DIAPH3: variants seen among roughly 807,000 people sequenced by gnomAD.
The protein encoded by DIAPH3 is diaphanous related formin 3.
DIAPH3 carries 117 observed loss-of-function variants against 144.3 expected under a neutral mutation model. The observed-to-expected ratio is 0.81, with a 90% confidence interval of 0.70 to 0.95. The LOEUF (loss-of-function observed/expected upper bound fraction) is 0.95. Among genes scored for constraint, DIAPH3 ranks in the 40% least tolerant of loss-of-function variants. DIAPH3 has a pLI of 0.00. For missense variants in DIAPH3, 1,421 were observed against 1,412.7 expected (o/e 1.01, Z -0.09); for synonymous variants, 519 against 488.9 (o/e 1.06, Z -0.81).
At chr13:60,010,711 G>C in intron 7 of DIAPH3, 42 bp from the exon 8 acceptor site, 1 of 1,587,076 alleles carries the variant, frequency 6.3e-7, no homozygotes, top group East Asian at 2.2e-5. Context: ...TTAGAAATTA[G>C]TTAGAAAAAT....
intron 17 of DIAPH3, among the ~76,000 whole-genome samples, chr13:59,957,102 T>C (rs2049453273): frequency 1.3e-5 from 2 of 152,192 alleles, no homozygotes; most frequent in South Asian, 4.1e-4. Flanking sequence ...TTTTGGACTG[T>C]GAACTTTTGA....
intron 7 of DIAPH3, among the ~76,000 whole-genome samples, chr13:60,012,471 T>C (rs1206463113): frequency 6.6e-6 from 1 of 152,230 alleles, no homozygotes; most frequent in Non-Finnish European, 1.5e-5. Context: ...GAAACTACAA[T>C]ATGCCTTGCT....
chr13:59,875,473 CA>C (rs568726447), intron 21 of DIAPH3, among the ~76,000 whole-genome samples: 128 of 151,538 alleles, frequency 8.4e-4, no homozygotes, highest in Non-Finnish European at 1.3e-3. Flanking sequence ...TTAAGAGGCC[CA>C]GAATACATAT....
At chr13:60,145,603 C>G (rs1034646260) in intron 1 of DIAPH3, among the ~76,000 whole-genome samples, 2 of 152,204 alleles carry the variant, frequency 1.3e-5, no homozygotes, top group Non-Finnish European at 2.9e-5. Flanking sequence ...GAGCTGAGAT[C>G]GTGCCACTGC....
chr13:59,839,443 C>A lies in DIAPH3; in HGVS notation c.2743G>T (p.Val915Leu), dbSNP rs1410531660. Reference sequence around the variant, plus strand: ...CTCAAATTCTTTTCCAGCGTTTCTACAGAGACTAAAAGAGAGTATATTAAA... The same window carrying A: ...CTCAAATTCTTTTCCAGCGTTTCTAAAGAGACTAAAAGAGAGTATATTAAA... ...EPLDKASKVSVETLEKNLRQM... is the reference protein window; with the variant it reads ...EPLDKASKVSLETLEKNLRQM... The change falls in exon 23 of 28, where the codon GTA becomes TTA. Residue 915 changes from valine to leucine, a missense_variant. By Grantham distance (32) the Val-to-Leu change is conservative (BLOSUM62 1). Coordinates refer to ENST00000400324, the MANE Select transcript of DIAPH3 (RefSeq NM_001042517.2). The A allele has an allele frequency of 6.8e-6, 11 of 1,612,770 alleles. No individual in the cohort carries two copies. The highest frequency in any genetic ancestry group is 2.2e-5 in the East Asian group (1 of 44,808).
chr13:59,742,638 AGAAG>A (rs1179236440), intron 27 of DIAPH3, among the ~76,000 whole-genome samples: 1 of 151,880 alleles, frequency 6.6e-6, no homozygotes, highest in Non-Finnish European at 1.5e-5. Flanking sequence ...GAGAAAGGAA[AGAAG>A]GAAGGAAGGA....
intron 2 of DIAPH3, among the ~76,000 whole-genome samples, chr13:60,117,542 T>A (rs7998563): frequency 0.23 from 34,312 of 152,030 alleles, 4,044 homozygotes; most frequent in South Asian, 0.27. Flanking sequence ...GCACTCCAGG[T>A]AGATTCTACA....
chr13:59,907,327 C>T (rs2046789987), intron 20 of DIAPH3, among the ~76,000 whole-genome samples: 1 of 152,132 alleles, frequency 6.6e-6, no homozygotes, highest in Non-Finnish European at 1.5e-5. Flanking sequence ...TGGCCTTATT[C>T]ATTACAAGCC....
chr13:59,872,215 A>G (rs1383287343), intron 21 of DIAPH3, among the ~76,000 whole-genome samples: 1 of 152,160 alleles, frequency 6.6e-6, no homozygotes, highest in Non-Finnish European at 1.5e-5. Context: ...TGATGCTATA[A>G]ATTTCCCTGT....
intron 1 of DIAPH3, among the ~76,000 whole-genome samples, chr13:60,145,151 G>C (rs1951445249): frequency 6.6e-6 from 1 of 152,192 alleles, no homozygotes; most frequent in South Asian, 2.1e-4. Context: ...GGGTTGGTGA[G>C]TACCTAGGCT....
In DIAPH3 at chr13:60,031,732, C is replaced by CTTTTTTT. The variant is rs1165739891; in HGVS notation, c.626+10951_626+10957dup. Among the ~76,000 whole-genome samples, 180 of 64,680 alleles carry CTTTTTTT rather than the reference C, an allele frequency of 2.8e-3. 36 individuals are homozygous for CTTTTTTT. The highest frequency in any genetic ancestry group is 8.2e-3 in the African/African-American group (124 of 15,164). The allele number at this position is 64,680 out of a possible 152,430, so 42.4% of individuals were successfully genotyped here. A position where few individuals can be genotyped will look rare whatever the true frequency, so the allele number is the denominator to read the frequency against. Reference sequence around the variant, plus strand: ...AAACCCAGTAGGGCAGTCATTAAATCTTTTTTTTTTTTTTTTTTTTTTTTT... The same window carrying CTTTTTTT: ...AAACCCAGTAGGGCAGTCATTAAATCTTTTTTTTTTTTTTTTTTTTTTTTTTTTTTTT... On this transcript the variant is annotated intron_variant, in intron 5 of 27. Coordinates refer to ENST00000400324, the MANE Select transcript of DIAPH3 (RefSeq NM_001042517.2).
chr13:59,980,889 T>A (rs1196009928), intron 13 of DIAPH3, 30 bp from the exon 14 acceptor site: 4 of 1,582,542 alleles, frequency 2.5e-6, no homozygotes, highest in Non-Finnish European at 3.5e-6. Flanking sequence ...AAATTTTTAA[T>A]GTGAAACTTC....
chr13:59,956,999 T>C (rs2049444953), intron 17 of DIAPH3, among the ~76,000 whole-genome samples: 1 of 152,320 alleles, frequency 6.6e-6, no homozygotes. Context: ...ATTTACCCGA[T>C]GCATGTACCC....
At chr13:59,835,086 C>G (rs1267063421) in intron 23 of DIAPH3, among the ~76,000 whole-genome samples, 2 of 151,794 alleles carry the variant, frequency 1.3e-5, no homozygotes, top group Non-Finnish European at 3.0e-5. Context: ...TATTACAGTT[C>G]TGTCACTGAG....
chr13:60,045,126 G>A (rs1389074793), intron 4 of DIAPH3, among the ~76,000 whole-genome samples: 2 of 152,134 alleles, frequency 1.3e-5, no homozygotes, highest in Non-Finnish European at 2.9e-5. Context: ...CGGATCACCT[G>A]AGGGCGGGAG....
intron 4 of DIAPH3, among the ~76,000 whole-genome samples, chr13:60,055,822 T>C (rs1271496987): frequency 1.3e-5 from 2 of 151,668 alleles, no homozygotes; most frequent in East Asian, 3.9e-4. Context: ...TCGGGGTGGA[T>C]GGGAATATGG....
At chr13:60,099,161 CCTT>C (rs1282782228) in intron 3 of DIAPH3, among the ~76,000 whole-genome samples, 12 of 152,194 alleles carry the variant, frequency 7.9e-5, no homozygotes, top group African/African-American at 2.9e-4. Flanking sequence ...TCATAGTACT[CCTT>C]AATATACAGA....
chr13:59,716,035 A>C (rs951547654), intron 27 of DIAPH3, among the ~76,000 whole-genome samples: 1 of 152,218 alleles, frequency 6.6e-6, no homozygotes, highest in African/African-American at 2.4e-5. Flanking sequence ...CACTTAACAG[A>C]CAACTGCAGC....
At chr13:60,153,557 A>G (rs1330188961) in intron 1 of DIAPH3, 1 of 152,130 alleles carries the variant, frequency 6.6e-6, no homozygotes, top group Non-Finnish European at 1.5e-5. Flanking sequence ...TCCACCCAAG[A>G]ATTAAATTGA....
Sources: allele counts gnomAD v4.1 joint callset (sites outside exome capture counted in the v4.1 genomes callset), GRCh38; gene constraint gnomAD v4.1.1; transcripts MANE v1.5; gene names NCBI Gene and HGNC (gene_info 2026-07-23, HGNC 2026-07-21).